The following TDRD3 variants were observed in gnomAD, a reference collection of about 807,000 sequenced individuals.
TDRD3 encodes tudor domain containing 3, also known as tudor domain-containing protein 3.
A neutral mutation model predicts 86.7 loss-of-function variants in TDRD3; 45 were observed. That is an observed-to-expected ratio of 0.52 (90% confidence interval 0.41 to 0.67). The LOEUF is 0.67. TDRD3 is among the 30% of genes least tolerant of loss of function. The pLI, the probability that TDRD3 is intolerant of heterozygous loss-of-function variation, is 0.00. For synonymous variants in TDRD3, 298 were observed against 301.7 expected (o/e 0.99, Z 0.13); for missense variants, 814 against 889.0 (o/e 0.92, Z 1.07).
chr13:60,395,624 A>G (rs1020859777), upstream of TDRD3, among the ~76,000 whole-genome samples: 1 of 152,212 alleles, frequency 6.6e-6, no homozygotes, highest in African/African-American at 2.4e-5. Flanking sequence ...ACCAGTGAGA[A>G]ATTCTGATGA....
chr13:60,493,305 A>T (rs985923578), intron 7 of TDRD3, among the ~76,000 whole-genome samples: 4 of 152,164 alleles, frequency 2.6e-5, no homozygotes, highest in Admixed American at 1.3e-4. Flanking sequence ...ATATTTTAAA[A>T]TATTGGTCAT....
intron 9 of TDRD3, among the ~76,000 whole-genome samples, 173 bp downstream of exon 9, chr13:60,510,092 T>C (rs1957025307): frequency 6.6e-6 from 1 of 152,184 alleles, no homozygotes; most frequent in Non-Finnish European, 1.5e-5. Flanking sequence ...AGTCTCATTG[T>C]CTTCATCTTT....
intron 8 of TDRD3, among the ~76,000 whole-genome samples, chr13:60,495,013 A>G (rs1956683645): frequency 6.6e-6 from 1 of 152,234 alleles, no homozygotes. Flanking sequence ...TTTTTAAGAT[A>G]AATGAGTGGA....
chr13:60,507,883 C>T (rs1449748871), intron 8 of TDRD3, among the ~76,000 whole-genome samples: 2 of 152,178 alleles, frequency 1.3e-5, no homozygotes, highest in Non-Finnish European at 2.9e-5. Flanking sequence ...CTCATTGTCT[C>T]AGTTCAAAAT....
intron 8 of TDRD3, among the ~76,000 whole-genome samples, chr13:60,503,937 T>C (rs978903134): frequency 6.6e-6 from 1 of 152,206 alleles, no homozygotes; most frequent in African/African-American, 2.4e-5. Flanking sequence ...ATGAAATCTT[T>C]ACAAACCTTT....
chr13:60,421,524 TG>T (rs1205724970), intron 1 of TDRD3, among the ~76,000 whole-genome samples: 2 of 152,198 alleles, frequency 1.3e-5, no homozygotes, highest in African/African-American at 2.4e-5. Context: ...AACATCAGTT[TG>T]TCTATTTGCT....
At chr13:60,427,409 T>G (rs564855735) in intron 1 of TDRD3, among the ~76,000 whole-genome samples, 37 of 152,292 alleles carry the variant, frequency 2.4e-4, no homozygotes, top group African/African-American at 6.3e-4. Context: ...TACTTTTTTT[T>G]TGTGGGGAGG....
intron 1 of TDRD3, among the ~76,000 whole-genome samples, chr13:60,415,996 A>G (rs1954500478): frequency 1.3e-5 from 2 of 152,232 alleles, no homozygotes; most frequent in South Asian, 4.1e-4. Context: ...TTAAAAATAG[A>G]ATCAGTTAAT....
At chr13:60,559,897 A>G (rs1456063594) in intron 12 of TDRD3, among the ~76,000 whole-genome samples, 1 of 146,510 alleles carries the variant, frequency 6.8e-6, no homozygotes, top group Non-Finnish European at 1.5e-5. Flanking sequence ...TCTTTTCCAC[A>G]AAAATGGAGA....
intron 12 of TDRD3, among the ~76,000 whole-genome samples, chr13:60,549,101 A>G (rs1055837110): frequency 2.0e-5 from 3 of 152,170 alleles, no homozygotes; most frequent in Non-Finnish European, 4.4e-5. Flanking sequence ...ATTAAAAGCA[A>G]TTTATAGCTT....
intron 1 of TDRD3, among the ~76,000 whole-genome samples, chr13:60,425,380 G>A (rs1259713422): frequency 6.6e-6 from 1 of 152,144 alleles, no homozygotes. Flanking sequence ...TGGCAGGGGT[G>A]TGGAGAAACA....
intron 7 of TDRD3, among the ~76,000 whole-genome samples, chr13:60,493,506 A>C (rs1325377802): frequency 6.6e-6 from 1 of 152,112 alleles, no homozygotes; most frequent in Middle Eastern, 3.4e-3. Flanking sequence ...TACTAAAAAT[A>C]CAAAAATTAG....
chr13:60,552,397 A>T (rs1958082224), intron 12 of TDRD3, among the ~76,000 whole-genome samples: 2 of 152,254 alleles, frequency 1.3e-5, no homozygotes, highest in South Asian at 4.1e-4. Context: ...GGGCACGCTA[A>T]TGCAAGGGGT....
chr13:60,415,575 A>G lies in TDRD3; in HGVS notation c.41+18170A>G, dbSNP rs565803351. Among the ~76,000 whole-genome samples, 70 of 152,298 alleles carry G rather than the reference A, an allele frequency of 4.6e-4. 1 individual carries two copies. The highest frequency in any genetic ancestry group is 1.7e-3 in the African/African-American group (69 of 41,566). The stretch of plus-strand genomic sequence containing the variant: ...CTAAACAGACCAATGCAATCTTTAT[A>G]ACTCATTCACACACTTAAAGAATAT... On this transcript the variant is annotated intron_variant, in intron 1 of 13. Coordinates refer to ENST00000377881, the MANE Select transcript of TDRD3 (RefSeq NM_001146070.2).
chr13:60,538,459 C>A (rs1052592762), intron 12 of TDRD3, among the ~76,000 whole-genome samples: 5 of 149,820 alleles, frequency 3.3e-5, no homozygotes, highest in African/African-American at 1.2e-4. Context: ...TTCTAGTTAA[C>A]ACACATGAGA....
chr13:60,517,192 T>C (rs1957191575), intron 10 of TDRD3, among the ~76,000 whole-genome samples: 1 of 151,968 alleles, frequency 6.6e-6, no homozygotes, highest in Non-Finnish European at 1.5e-5. Context: ...TTGCTTTTTT[T>C]TTTTATTCAA....
At chr13:60,537,459 T>C (rs1455659160) in intron 12 of TDRD3, 1 of 152,086 alleles carries the variant, frequency 6.6e-6, no homozygotes, top group African/African-American at 2.4e-5. Flanking sequence ...ACATGCAATG[T>C]AGAGTTCATA....
intron 1 of TDRD3, among the ~76,000 whole-genome samples, chr13:60,399,341 G>A (rs1046976932): frequency 6.6e-6 from 1 of 152,298 alleles, no homozygotes; most frequent in African/African-American, 2.4e-5. Context: ...AACTGTTTAT[G>A]TTTCTCCCAC....
chr13:60,421,073 AGT>A (rs1343729612), intron 1 of TDRD3, among the ~76,000 whole-genome samples: 14 of 152,226 alleles, frequency 9.2e-5, no homozygotes, highest in African/African-American at 2.9e-4. Context: ...GATAACAATT[AGT>A]GTGAGCCCTC....
Sources: gnomAD v4.1 joint callset for allele counts (sites outside exome capture counted in the v4.1 genomes callset) on GRCh38, gnomAD v4.1.1 for gene constraint, MANE v1.5 for transcripts, NCBI Gene and HGNC (gene_info 2026-07-23, HGNC 2026-07-21) for gene names.